HELZ: variants seen among roughly 807,000 people sequenced by gnomAD.
HELZ encodes the protein helicase with zinc finger.
A neutral mutation model predicts 218.2 loss-of-function variants in HELZ; 23 were observed. The ratio of observed to expected loss-of-function variants is 0.11; its 90% confidence interval spans 0.08 to 0.15. The LOEUF (loss-of-function observed/expected upper bound fraction) is 0.15, where lower values mean the gene tolerates loss of function less well. HELZ is among the 10% of genes least tolerant of loss of function. The pLI is 1.00. For missense variants in HELZ, 1,813 were observed against 2,353.7 expected (o/e 0.77, Z 4.75); for synonymous variants, 814 against 829.4 (o/e 0.98, Z 0.32).
chr17:67,218,070 G>A lies in HELZ; in HGVS notation c.210+525C>T, dbSNP rs1008534860. On this transcript the variant is annotated intron_variant, in intron 4 of 32. Coordinates refer to ENST00000358691, the MANE Select transcript of HELZ (RefSeq NM_014877.4). ...CTGGCTCAGCCTCCTGAGTAGCTGG[G>A]ATTATAGGCACGCGCTACCACGCCT... Among the ~76,000 whole-genome samples, 6 of 152,110 alleles carry A rather than the reference G, an allele frequency of 3.9e-5. 1 individual carries two copies. Among genetic ancestry groups the A allele is most frequent in the African/African-American group, 1.4e-4 (6 of 41,510 alleles).
chr17:67,144,436 G>A (rs2038429942), intron 21 of HELZ, among the ~76,000 whole-genome samples: 1 of 149,444 alleles, frequency 6.7e-6, no homozygotes, highest in African/African-American at 2.5e-5. Flanking sequence ...AAGGTCACAC[G>A]ACCTTTAAAG....
At chr17:67,114,429 T>TA (rs762048211) in intron 27 of HELZ, 26 bp from the exon 28 acceptor site, 4 of 1,413,144 alleles carry the variant, frequency 2.8e-6, no homozygotes, top group Non-Finnish European at 4.0e-6. Context: ...AAAATCCTTA[T>TA]AAGTTTTCTC....
At chr17:67,092,185 C>T (rs969927502) in intron 31 of HELZ, among the ~76,000 whole-genome samples, 2 of 151,750 alleles carry the variant, frequency 1.3e-5, no homozygotes, top group African/African-American at 4.8e-5. Context: ...GGCAACTGGC[C>T]CAAGACTCCA....
At chr17:67,141,549 C>T (rs1282746114) in intron 21 of HELZ, among the ~76,000 whole-genome samples, 1 of 151,792 alleles carries the variant, frequency 6.6e-6, no homozygotes, top group East Asian at 1.9e-4. Flanking sequence ...GTATTAAGTG[C>T]ATATTTTCTA....
At chr17:67,245,838 G>C (rs8072883), upstream of HELZ, 29,888 of 152,096 alleles carry the variant, frequency 0.2, 3,052 homozygotes, top group African/African-American at 0.26. Context: ...TGTGTCCCGC[G>C]GTCTCCTCCT....
intron 5 of HELZ, among the ~76,000 whole-genome samples, chr17:67,205,062 C>T (rs770555905): frequency 1.3e-5 from 2 of 152,112 alleles, no homozygotes; most frequent in Non-Finnish European, 2.9e-5. Context: ...CATGGTGGCT[C>T]ATGCCTGTAA....
At chr17:67,124,198 A>G (rs1348496576) in intron 24 of HELZ, among the ~76,000 whole-genome samples, 184 bp from the exon 25 acceptor site, 2 of 152,170 alleles carry the variant, frequency 1.3e-5, no homozygotes, top group Admixed American at 1.3e-4. Flanking sequence ...ATTATGTCAC[A>G]GCCATCTCAA....
At chr17:67,217,904 T>G (rs990782593) in intron 4 of HELZ, among the ~76,000 whole-genome samples, 5 of 150,706 alleles carry the variant, frequency 3.3e-5, no homozygotes, top group African/African-American at 4.9e-5. Flanking sequence ...ATGGTGGGGT[T>G]TTTTTTTTGG....
intron 3 of HELZ, among the ~76,000 whole-genome samples, chr17:67,226,334 A>C: frequency 6.6e-6 from 1 of 152,190 alleles, no homozygotes; most frequent in Admixed American, 6.5e-5. Flanking sequence ...CCAAATAAAA[A>C]CTGAGCAACA....
At chr17:67,164,253 C>A (rs1193269128) in intron 15 of HELZ, among the ~76,000 whole-genome samples, 1 of 152,090 alleles carries the variant, frequency 6.6e-6, no homozygotes, top group East Asian at 1.9e-4. Flanking sequence ...CTTGAAAACA[C>A]AAAACTGAGC....
At chr17:67,142,126 A>T (rs2038345676) in intron 21 of HELZ, among the ~76,000 whole-genome samples, 1 of 152,182 alleles carries the variant, frequency 6.6e-6, no homozygotes, top group Non-Finnish European at 1.5e-5. Flanking sequence ...GGCAATAAAG[A>T]AGACACAGGA....
At chr17:67,206,984 C>A (rs984766234) in intron 5 of HELZ, among the ~76,000 whole-genome samples, 1 of 147,932 alleles carries the variant, frequency 6.8e-6, no homozygotes, top group East Asian at 2.0e-4. Context: ...ATGATATCAG[C>A]GGACTGCAAC....
chr17:67,211,962 C>A (rs2040462562), intron 5 of HELZ, among the ~76,000 whole-genome samples: 1 of 151,974 alleles, frequency 6.6e-6, no homozygotes, highest in South Asian at 2.1e-4. Context: ...TTTCGTAACC[C>A]ACAGTAGGTC....
At chr17:67,244,546 G>A (rs561412065) in intron 1 of HELZ, 1 of 940,864 alleles carries the variant, frequency 1.1e-6, no homozygotes, top group Non-Finnish European at 1.3e-6. Flanking sequence ...TTTTGTTGAT[G>A]TGCTTGTGGG....
chr17:67,190,102 G>T, intron 10 of HELZ, 55 bp downstream of exon 10: 1 of 1,421,826 alleles, frequency 7.0e-7, no homozygotes, highest in South Asian at 1.2e-5. Flanking sequence ...ATAAAGTCAA[G>T]ACTCAAGTTC....
At position 67,074,328 on chromosome 17, in the gene HELZ, T is replaced by TA. The variant is rs2035966014; in HGVS notation, c.*3923dup. 6.6e-6 allele frequency: 1 copy of TA among 152,178 alleles called. No homozygotes were observed. Among genetic ancestry groups the TA allele is most frequent in the Non-Finnish European group, 1.5e-5 (1 of 68,000 alleles). The allele number at this position is 152,178 out of a possible 1,614,324, so 9.4% of individuals were successfully genotyped here. ...GTATCTTTCAATACATTTAAAGTTT[T>TA]AACCTTGTATTTTTATAGATTCTTT... On this transcript the variant is annotated 3_prime_UTR_variant, in exon 33 of 33. Transcript: ENST00000358691.
intron 32 of HELZ, among the ~76,000 whole-genome samples, 194 bp downstream of exon 32, chr17:67,086,635 T>TAA (rs367713527): frequency 0.013 from 1,046 of 79,874 alleles, 15 homozygotes; most frequent in African/African-American, 0.036. Context: ...AATATAAATA[T>TAA]ATATATATAT....
Position 67,218,797 on chromosome 17 carries a change from T to C in HELZ, c.8A>G (p.Asp3Gly). ME[D>G]RRAEKSCEQA... ...TTCACATGACTTTTCAGCTCTTCTG[T>C]CTTCCATGACTCAGGGACAAAAATC... The change falls in exon 4 of 33, where the codon GAC (aspartate) becomes GGC (glycine). Residue 3 changes from aspartate to glycine, a missense_variant. Physicochemically the swap from Asp to Gly is moderately conservative, Grantham distance 94. Transcript: ENST00000358691. 2 of 1,614,122 alleles carry C rather than the reference T, an allele frequency of 1.2e-6. No individual in the cohort carries two copies. Among genetic ancestry groups the C allele is most frequent in the Non-Finnish European group, 1.7e-6 (2 of 1,179,984 alleles).
chr17:67,171,051 T>TC (rs2039295975), intron 13 of HELZ, among the ~76,000 whole-genome samples: 1 of 151,832 alleles, frequency 6.6e-6, no homozygotes, highest in African/African-American at 2.4e-5. Context: ...TTTTTTTTTT[T>TC]CACTATACAG....
Sources: allele counts gnomAD v4.1 joint callset (sites outside exome capture counted in the v4.1 genomes callset), GRCh38; gene constraint gnomAD v4.1.1; transcripts MANE v1.5; gene names NCBI Gene and HGNC (gene_info 2026-07-23, HGNC 2026-07-21).